UBAP2L: variants seen among roughly 807,000 people sequenced by gnomAD.
UBAP2L encodes the protein ubiquitin-associated protein 2-like.
In UBAP2L, 12 loss-of-function variants were observed where a neutral mutation model predicts 130.6. The ratio of observed to expected loss-of-function variants is 0.09; its 90% CI spans 0.06 to 0.15. The LOEUF (loss-of-function observed/expected upper bound fraction) is 0.15. Among genes scored for constraint, UBAP2L ranks in the 10% least tolerant of loss-of-function variants. The probability of loss-of-function intolerance (pLI) is 1.00; values close to 1 mark genes in which losing one functional copy is unlikely to be tolerated. For missense variants in UBAP2L, 965 were observed against 1,332.5 expected (o/e 0.72, Z 4.29); for synonymous variants, 503 against 524.7 (o/e 0.96, Z 0.57).
At chr1:154,257,654 C>T (rs1337223375) in intron 20 of UBAP2L, 3 of 561,460 alleles carry the variant, frequency 5.3e-6, no homozygotes, top group South Asian at 4.6e-5. Context: ...ATATAAACAG[C>T]GTGCAGTTCA....
intron 4 of UBAP2L, 107 bp downstream of exon 4, chr1:154,228,832 T>C (rs1668837596): frequency 2.7e-6 from 2 of 747,588 alleles, no homozygotes; most frequent in African/African-American, 3.6e-5. Context: ...CACCTTTTTC[T>C]TGAAGTAAAG....
chr1:154,250,896 A>G, intron 12 of UBAP2L, 145 bp from the exon 13 acceptor site: 1 of 750,132 alleles, frequency 1.3e-6, no homozygotes, highest in Non-Finnish European at 2.1e-6. Flanking sequence ...TCACCTATAG[A>G]AATGAGATTA....
chr1:154,224,248 C>G (rs1558109014), intron 1 of UBAP2L, among the ~76,000 whole-genome samples: 1 of 152,118 alleles, frequency 6.6e-6, no homozygotes, highest in Non-Finnish European at 1.5e-5. Flanking sequence ...CACTTTCTTC[C>G]AAATAAAACT....
At chr1:154,264,718 C>T (rs1682684740) in intron 24 of UBAP2L, among the ~76,000 whole-genome samples, 1 of 152,202 alleles carries the variant, frequency 6.6e-6, no homozygotes, top group African/African-American at 2.4e-5. Context: ...CCTAGCCTCA[C>T]TGCAGAAGGT....
At chr1:154,269,260 AG>A in intron 26 of UBAP2L, 1 of 1,193,630 alleles carries the variant, frequency 8.4e-7, no homozygotes, top group Non-Finnish European at 1.2e-6. Flanking sequence ...TTCCTCTCCC[AG>A]CCTTCCCTCT....
upstream of UBAP2L, chr1:154,220,923 T>G: frequency 5.7e-6 from 1 of 175,032 alleles, no homozygotes; most frequent in South Asian, 8.2e-5. Context: ...GGGAATCTTA[T>G]ATCACGTGAC....
At chr1:154,257,482 T>C in intron 20 of UBAP2L, 48 bp downstream of exon 20, 1 of 1,601,560 alleles carries the variant, frequency 6.2e-7, no homozygotes, top group Non-Finnish European at 8.5e-7. Context: ...ATGTTGTGGC[T>C]ACTCTTTTTA....
At position 154,268,727 on chromosome 1, in the gene UBAP2L, T is replaced by C. The variant is rs184177473; in HGVS notation, c.2971-30T>C. On this transcript the variant is annotated intron_variant, in intron 25 of 26. Transcript: ENST00000428931. ...CCAAGACTAGTTTGCTGATCCCTTT[T>C]ACTCTGTCTCCTCCTGGCCTCCTGG... The C allele has an allele frequency of 3.8e-3, 6,080 of 1,612,068 alleles. 49 individuals carry two copies. Among genetic ancestry groups the C allele is most frequent in the Non-Finnish European group, 3.2e-3 (3,818 of 1,178,554 alleles).
At chr1:154,263,383 A>C (rs889428868) in intron 24 of UBAP2L, 12 of 1,333,846 alleles carry the variant, frequency 9.0e-6, no homozygotes, top group African/African-American at 7.5e-5. Flanking sequence ...CAAGCGGTGC[A>C]GCACCTTCGA....
At chr1:154,221,010 G>T in intron 1 of UBAP2L, 35 bp downstream of exon 1, 1 of 199,506 alleles carries the variant, frequency 5.0e-6, no homozygotes, top group Non-Finnish European at 1.0e-5. Context: ...TGGCGGCGGC[G>T]GCGGCGGCAG....
chr1:154,247,730 A>G (rs957036332), intron 11 of UBAP2L, among the ~76,000 whole-genome samples: 4 of 149,116 alleles, frequency 2.7e-5, no homozygotes, highest in Admixed American at 1.3e-4. Context: ...CCCTTTCTCT[A>G]AAAAAAAATT....
At chr1:154,264,081 C>T (rs1024218244) in intron 24 of UBAP2L, among the ~76,000 whole-genome samples, 4 of 152,128 alleles carry the variant, frequency 2.6e-5, no homozygotes, top group Admixed American at 6.6e-5. Flanking sequence ...TGTGCAGGAG[C>T]GGTTTGGTCA....
At chr1:154,235,659 G>A (rs539173584) in intron 6 of UBAP2L, among the ~76,000 whole-genome samples, 29 of 152,276 alleles carry the variant, frequency 1.9e-4, no homozygotes, top group African/African-American at 5.5e-4. Context: ...ACAAGCGTGC[G>A]TCACTACGCC....
chr1:154,251,947 G>C (rs551047483), intron 14 of UBAP2L, among the ~76,000 whole-genome samples: 7 of 152,066 alleles, frequency 4.6e-5, no homozygotes, highest in Admixed American at 1.3e-4. Flanking sequence ...GACCAGCCTG[G>C]GCAACATAAT....
chr1:154,241,694 A>T, intron 9 of UBAP2L, 129 bp downstream of exon 9: 1 of 1,484,884 alleles, frequency 6.7e-7, no homozygotes, highest in Non-Finnish European at 9.0e-7. Flanking sequence ...TTTACATCCA[A>T]AATAGTGTTC....
chr1:154,225,840 G>A (rs187581160), intron 2 of UBAP2L, among the ~76,000 whole-genome samples: 28 of 152,334 alleles, frequency 1.8e-4, no homozygotes, highest in Middle Eastern at 3.4e-3. Flanking sequence ...TTGAGACGGA[G>A]TCTCGCTCTG....
At chr1:154,220,205 C>G, upstream of UBAP2L, 1 of 1,087,878 alleles carries the variant, frequency 9.2e-7, no homozygotes. Flanking sequence ...AAACTCCCAC[C>G]TACTCCTGGA....
chr1:154,247,648 G>T (rs1675959207), intron 11 of UBAP2L, among the ~76,000 whole-genome samples: 2 of 152,132 alleles, frequency 1.3e-5, no homozygotes, highest in Non-Finnish European at 2.9e-5. Context: ...AGGATTGCTT[G>T]AGACTAGGAG....
chr1:154,251,755 TG>T, intron 14 of UBAP2L, 102 bp downstream of exon 14: 17 of 1,306,514 alleles, frequency 1.3e-5, no homozygotes, highest in Non-Finnish European at 1.8e-5. Context: ...CCCCTCTGCA[TG>T]GCTGAGGGGG....
Sources: allele counts gnomAD v4.1 joint callset (sites outside exome capture counted in the v4.1 genomes callset), GRCh38; gene constraint gnomAD v4.1.1; transcripts MANE v1.5; gene names NCBI Gene and HGNC (gene_info 2026-07-23, HGNC 2026-07-21).